KPNB1: variants seen among roughly 807,000 people sequenced by gnomAD.
KPNB1 encodes importin subunit beta-1.
A neutral mutation model predicts 113.0 loss-of-function variants in KPNB1; 7 were observed. The ratio of observed to expected loss-of-function variants is 0.06; its 90% CI spans 0.04 to 0.12. KPNB1 has a LOEUF of 0.12. KPNB1 is among the 10% of genes least tolerant of loss of function. The pLI is 1.00. For missense variants in KPNB1, 400 were observed against 1,054.8 expected (o/e 0.38, Z 8.60); for synonymous variants, 363 against 378.6 (o/e 0.96, Z 0.48).
intron 3 of KPNB1, among the ~76,000 whole-genome samples, chr17:47,653,464 ACTC>A (rs1433252626): frequency 6.6e-6 from 1 of 150,908 alleles, no homozygotes; most frequent in African/African-American, 2.4e-5. Context: ...CTGGTCTTGA[ACTC>A]CTGACCTCAG....
intron 11 of KPNB1, 40 bp from the exon 12 acceptor site, chr17:47,670,662 G>T (rs746646689): frequency 4.5e-6 from 7 of 1,561,352 alleles, no homozygotes; most frequent in Middle Eastern, 1.7e-4. Context: ...TAAGGTGTGG[G>T]GTTCTTTCAG....
chr17:47,660,317 A>G (rs1003855603), intron 5 of KPNB1, among the ~76,000 whole-genome samples: 1 of 152,192 alleles, frequency 6.6e-6, no homozygotes, highest in Admixed American at 6.5e-5. Context: ...TTAATATTCC[A>G]TTATATGTAT....
chr17:47,650,881 C>G (rs1310052579), intron 2 of KPNB1, among the ~76,000 whole-genome samples: 2 of 152,182 alleles, frequency 1.3e-5, no homozygotes, highest in Non-Finnish European at 2.9e-5. Context: ...TCCCGTGGCC[C>G]CTGTGGCTCT....
At chr17:47,674,418 G>C (rs77832258) in intron 14 of KPNB1, among the ~76,000 whole-genome samples, 1,634 of 152,290 alleles carry the variant, frequency 0.011, 27 homozygotes, top group African/African-American at 0.035. Flanking sequence ...TCTGCACAAC[G>C]GAGGATCAGC....
At chr17:47,669,210 G>A (rs1222668693) in intron 10 of KPNB1, among the ~76,000 whole-genome samples, 3 of 152,074 alleles carry the variant, frequency 2.0e-5, no homozygotes, top group African/African-American at 7.2e-5. Flanking sequence ...CCCAGCTTAA[G>A]CAATTCTCGT....
At chr17:47,659,479 CT>C (rs1425479665) in intron 5 of KPNB1, among the ~76,000 whole-genome samples, 1 of 152,088 alleles carries the variant, frequency 6.6e-6, no homozygotes, top group African/African-American at 2.4e-5. Context: ...AGGCCGGGTG[CT>C]GGGGCTCACA....
At chr17:47,668,464 A>G in intron 10 of KPNB1, 54 bp downstream of exon 10, 1 of 1,381,790 alleles carries the variant, frequency 7.2e-7, no homozygotes, top group Admixed American at 1.8e-5. Flanking sequence ...GTTTAAACTT[A>G]AAGCATATCT....
At chr17:47,658,241 C>T (rs757029099) in intron 4 of KPNB1, among the ~76,000 whole-genome samples, 3 of 152,166 alleles carry the variant, frequency 2.0e-5, no homozygotes, top group South Asian at 2.1e-4. Flanking sequence ...AACCTATGCA[C>T]ATCCTCCCAT....
intron 15 of KPNB1, among the ~76,000 whole-genome samples, chr17:47,675,805 G>T (rs2030600031): frequency 6.6e-6 from 1 of 152,120 alleles, no homozygotes; most frequent in African/African-American, 2.4e-5. Flanking sequence ...TAAGTACATT[G>T]CTAAGGCCAT....
chr17:47,655,130 C>G (rs1281348249), intron 3 of KPNB1, among the ~76,000 whole-genome samples: 2 of 152,166 alleles, frequency 1.3e-5, no homozygotes, highest in African/African-American at 4.8e-5. Flanking sequence ...TATCTGGCAG[C>G]TATTCTTTGT....
intron 3 of KPNB1, among the ~76,000 whole-genome samples, chr17:47,653,586 G>A (rs1361828284): frequency 2.0e-5 from 3 of 152,126 alleles, no homozygotes; most frequent in African/African-American, 7.2e-5. Flanking sequence ...GTCTTACATG[G>A]GTAAGGCACA....
chr17:47,674,919 T>C (rs1426626710), intron 15 of KPNB1, 137 bp downstream of exon 15: 2 of 825,252 alleles, frequency 2.4e-6, no homozygotes, highest in African/African-American at 1.7e-5. Flanking sequence ...TGGGCTCACA[T>C]GATCCTTCCA....
chr17:47,681,686 G>GTTTTTTTTTTTT lies in KPNB1; in HGVS notation c.*-704_*-693dup, dbSNP rs59222945. 7.9e-3 allele frequency among the ~76,000 whole-genome samples: 759 copies of GTTTTTTTTTTTT among 96,054 alleles called. 3 individuals are homozygous for GTTTTTTTTTTTT. The highest frequency in any genetic ancestry group is 0.013 in the Middle Eastern group (1 of 80). 63.0% of individuals were successfully genotyped at this position (96,054 alleles called of 152,430 possible). On this transcript the variant is annotated intron_variant, in intron 21 of 21. Transcript: ENST00000290158. ...GCCTCCTAAATTGCTGGAATTATAG[G>GTTTTTTTTTTTT]TTTTTTTTTTTTTTTTTTTTTTTTT... is the stretch of plus-strand genomic sequence containing the variant.
chr17:47,662,915 TA>T (rs2030151735), intron 6 of KPNB1, among the ~76,000 whole-genome samples, 173 bp from the exon 7 acceptor site: 1 of 151,758 alleles, frequency 6.6e-6, no homozygotes, highest in African/African-American at 2.4e-5. Flanking sequence ...AATGGGAAAA[TA>T]AAGGAACAGA....
At position 47,661,094 on chromosome 17, in the gene KPNB1, C is replaced by A. The variant is rs753389501; in HGVS notation, c.637-25C>A. 1.9e-6 allele frequency: 3 copies of A among 1,588,680 alleles called. No homozygotes were observed. In the South Asian group the frequency reaches 3.3e-5, roughly 18 times the overall value. ...ACGTACAGGTTATGCTCTCCTAATT[C>A]TCTTTATTTTTATTCCTCCTACAGT... On this transcript the variant is annotated intron_variant, in intron 5 of 21. Transcript: ENST00000290158.
intron 9 of KPNB1, among the ~76,000 whole-genome samples, chr17:47,667,380 G>T (rs1253003918): frequency 4.6e-5 from 7 of 151,862 alleles, no homozygotes; most frequent in African/African-American, 1.5e-4. Context: ...GCCTGCCTTG[G>T]CCTCCTAAAG....
At chr17:47,677,764 T>A (rs141537112) in intron 17 of KPNB1, among the ~76,000 whole-genome samples, 1 of 152,354 alleles carries the variant, frequency 6.6e-6, no homozygotes, top group Non-Finnish European at 1.5e-5. Context: ...TTGTATATTA[T>A]ACCTCTCTCC....
At chr17:47,678,463 G>C in intron 19 of KPNB1, 50 bp downstream of exon 19, 2 of 1,267,168 alleles carry the variant, frequency 1.6e-6, no homozygotes, top group South Asian at 1.2e-5. Context: ...TGTGCACTTA[G>C]CCAAGTGGGC....
rs1266062151 is a variant in KPNB1 at position 47,661,209 on chromosome 17, T to C, written c.696+31T>C. On this transcript the variant is annotated intron_variant, in intron 6 of 21. Transcript: ENST00000290158. ...TGTGAGGTTATATGAAAAATCTGTC[T>C]TACATCTTTCTTAGGAAATGTCAAA... The C allele has an allele frequency of 3.3e-6, 5 of 1,534,878 alleles. No individual in the cohort carries two copies. In the South Asian group the frequency reaches 5.6e-5, roughly 17 times the overall value.
Sources: allele counts gnomAD v4.1 joint callset (sites outside exome capture counted in the v4.1 genomes callset), GRCh38; gene constraint gnomAD v4.1.1; transcripts MANE v1.5; gene names NCBI Gene and HGNC (gene_info 2026-07-23, HGNC 2026-07-21).